Variants in SUPT3H observed in about 807,000 individuals in gnomAD.
SUPT3H encodes the protein SPT3 homolog, SAGA and STAGA complex component, also known as transcription initiation protein SPT3 homolog.
SUPT3H carries 44 observed loss-of-function variants against 44.3 expected under a neutral mutation model. That is an observed-to-expected ratio of 0.99 (90% confidence interval 0.78 to 1.28). The LOEUF (loss-of-function observed/expected upper bound fraction) is 1.28. SUPT3H is among the 50% of genes most tolerant of loss of function. The pLI is 0.00. For synonymous variants in SUPT3H, 124 were observed against 125.6 expected, an observed-to-expected ratio of 0.99 and a Z score of 0.09; for missense variants, 380 against 387.1, an observed-to-expected ratio of 0.98 and a Z score of 0.15.
intron 2 of SUPT3H, among the ~76,000 whole-genome samples, chr6:45,157,763 G>A (rs1336071325): frequency 6.6e-6 from 1 of 151,460 alleles, no homozygotes; most frequent in Non-Finnish European, 1.5e-5. Flanking sequence ...TGGTAAGGCT[G>A]GTCTCAAACT....
intron 10 of SUPT3H, among the ~76,000 whole-genome samples, chr6:44,892,955 C>A (rs1763535311): frequency 6.6e-6 from 1 of 151,626 alleles, no homozygotes; most frequent in Non-Finnish European, 1.5e-5. Context: ...TTTTTTAAAC[C>A]CACAAACCAA....
rs377066408 is a variant in SUPT3H at position 44,928,125 on chromosome 6, G to A, written c.912+4528C>T. Among the ~76,000 whole-genome samples the A allele has an allele frequency of 2.7e-4, 41 of 152,258 alleles. 1 individual carries two copies. The highest frequency in any genetic ancestry group is 9.7e-4 in the East Asian group (5 of 5,176). ...CTGTGTAAGGCTACTCAGCTTGTAG[G>A]TAGCAGGGCTGGGATCTGGACCCTA... On this transcript the variant is annotated intron_variant, in intron 10 of 10. Transcript: ENST00000371459.
intron 3 of SUPT3H, among the ~76,000 whole-genome samples, chr6:45,090,434 A>G (rs900601629): frequency 1.3e-5 from 2 of 152,062 alleles, no homozygotes; most frequent in African/African-American, 4.8e-5. Context: ...ATATGTTAGA[A>G]ATGGGAAACT....
intron 10 of SUPT3H, among the ~76,000 whole-genome samples, chr6:44,847,488 G>A: frequency 6.6e-6 from 1 of 150,472 alleles, no homozygotes; most frequent in East Asian, 1.9e-4. Flanking sequence ...GTTATGGGAA[G>A]ATTTTTTTTT....
intron 2 of SUPT3H, among the ~76,000 whole-genome samples, chr6:45,324,160 A>C (rs1013493651): frequency 1.3e-5 from 2 of 152,022 alleles, no homozygotes; most frequent in African/African-American, 4.8e-5. Context: ...TTGTTCTAAT[A>C]ATTACAAGAA....
At chr6:45,040,572 A>G (rs1446267852) in intron 3 of SUPT3H, among the ~76,000 whole-genome samples, 1 of 152,188 alleles carries the variant, frequency 6.6e-6, no homozygotes, top group African/African-American at 2.4e-5. Context: ...CATTACCAAC[A>G]CAGAGTGGCT....
At chr6:45,203,729 C>T (rs1762767182) in intron 2 of SUPT3H, among the ~76,000 whole-genome samples, 1 of 152,158 alleles carries the variant, frequency 6.6e-6, no homozygotes, top group African/African-American at 2.4e-5. Context: ...GAGCCTTCTG[C>T]CCCAGCCATG....
At chr6:44,870,598 CAA>C (rs775096457) in intron 10 of SUPT3H, among the ~76,000 whole-genome samples, 14 of 73,892 alleles carry the variant, frequency 1.9e-4, no homozygotes, top group Non-Finnish European at 2.2e-4. Context: ...GACTCTGTCT[CAA>C]AAAAAAAAAA....
intron 10 of SUPT3H, among the ~76,000 whole-genome samples, chr6:44,859,339 T>C (rs891825300): frequency 6.6e-6 from 1 of 152,192 alleles, no homozygotes; most frequent in Admixed American, 6.5e-5. Flanking sequence ...TGCTGGAGAT[T>C]TTCATTTCAA....
intron 9 of SUPT3H, among the ~76,000 whole-genome samples, chr6:44,939,462 G>A (rs531869404): frequency 6.6e-6 from 1 of 152,166 alleles, no homozygotes; most frequent in East Asian, 1.9e-4. Context: ...GATTTGGTTT[G>A]TTAGTATTTT....
At chr6:45,333,526 A>AT (rs889876958) in intron 2 of SUPT3H, among the ~76,000 whole-genome samples, 1 of 151,574 alleles carries the variant, frequency 6.6e-6, no homozygotes, top group Non-Finnish European at 1.5e-5. Flanking sequence ...TGTAAGCAAC[A>AT]TGTTATCAAA....
chr6:45,283,222 T>C (rs1455195058), intron 2 of SUPT3H, among the ~76,000 whole-genome samples: 1 of 152,030 alleles, frequency 6.6e-6, no homozygotes, highest in Admixed American at 6.6e-5. Context: ...CAGGATCAAA[T>C]TCACACATAA....
At chr6:45,116,744 T>C (rs1357893831) in intron 2 of SUPT3H, among the ~76,000 whole-genome samples, 3 of 152,170 alleles carry the variant, frequency 2.0e-5, no homozygotes, top group African/African-American at 7.2e-5. Flanking sequence ...TTACATACCA[T>C]AAAATCCAGT....
At chr6:45,114,213 T>G (rs879268285) in intron 2 of SUPT3H, among the ~76,000 whole-genome samples, 2 of 152,150 alleles carry the variant, frequency 1.3e-5, no homozygotes, top group Non-Finnish European at 2.9e-5. Flanking sequence ...TATTGACTGA[T>G]TGCCTGGTAT....
At chr6:45,068,503 G>A (rs1303250071) in intron 3 of SUPT3H, among the ~76,000 whole-genome samples, 2 of 152,036 alleles carry the variant, frequency 1.3e-5, no homozygotes, top group African/African-American at 2.4e-5. Context: ...GTAGAGATAA[G>A]GATAGGGGTA....
At chr6:45,005,700 C>CA (rs67476240) in intron 5 of SUPT3H, among the ~76,000 whole-genome samples, 79,707 of 130,770 alleles carry the variant, frequency 0.61, 23,245 homozygotes, top group African/African-American at 0.72. Context: ...AAACTCGTCT[C>CA]AAAAAAAAAA....
At chr6:45,105,422 T>G (rs2153571029) in intron 3 of SUPT3H, among the ~76,000 whole-genome samples, 1 of 152,316 alleles carries the variant, frequency 6.6e-6, no homozygotes, top group South Asian at 2.1e-4. Context: ...TTTAAATTTT[T>G]TAACTTTTAA....
At chr6:45,175,183 ATG>A (rs141997897) in intron 2 of SUPT3H, among the ~76,000 whole-genome samples, 3,086 of 152,068 alleles carry the variant, frequency 0.02, 110 homozygotes, top group African/African-American at 0.07. Context: ...ATGTTTGCAG[ATG>A]TGTGTGTGTG....
intron 4 of SUPT3H, among the ~76,000 whole-genome samples, chr6:45,018,229 A>G (rs957989117): frequency 2.6e-5 from 4 of 152,086 alleles, no homozygotes; most frequent in Non-Finnish European, 4.4e-5. Context: ...TTGCTTATCA[A>G]CTTAAGGAGA....
Sources: gnomAD v4.1 joint callset for allele counts (sites outside exome capture counted in the v4.1 genomes callset) on GRCh38, gnomAD v4.1.1 for gene constraint, MANE v1.5 for transcripts, NCBI Gene and HGNC (gene_info 2026-07-23, HGNC 2026-07-21) for gene names.